Variants in PPTC7 observed in about 807,000 individuals in gnomAD.
The protein encoded by PPTC7 is protein phosphatase targeting COQ7.
Under a neutral mutation model 30.8 loss-of-function variants are expected in PPTC7, and 6 were observed. That is an observed-to-expected ratio of 0.19 (90% CI 0.11 to 0.38). PPTC7 has a LOEUF of 0.38. Among genes scored for constraint, PPTC7 ranks in the 10% least tolerant of loss-of-function variants. The pLI is 1.00. For missense variants in PPTC7, 218 were observed against 404.8 expected (o/e 0.54, Z 3.96); for synonymous variants, 163 against 168.1 (o/e 0.97, Z 0.23).
chr12:110,537,124 T>C, intron 5 of PPTC7, 29 bp from the exon 6 acceptor site: 1 of 1,550,488 alleles, frequency 6.4e-7, no homozygotes, highest in Non-Finnish European at 8.9e-7. Context: ...CCTATCAGTA[T>C]ATTTTAAAAG....
chr12:110,550,990 T>C (rs1289864040), intron 2 of PPTC7, among the ~76,000 whole-genome samples: 12 of 152,240 alleles, frequency 7.9e-5, no homozygotes, highest in Non-Finnish European at 8.8e-5. Flanking sequence ...ACTTGAAATA[T>C]ATGGAATCAG....
rs2064189810 is a variant in PPTC7, at chr12:110,533,612, A to T, written c.*3425T>A. On this transcript the variant is annotated 3_prime_UTR_variant, in exon 6 of 6. Transcript: ENST00000354300. ...GATTTTGGTTTTTTGATACTGTAAAATTTTTAAAATGCAAAAATGTGATAC... is the reference window on the plus strand; with the variant it reads ...GATTTTGGTTTTTTGATACTGTAAATTTTTTAAAATGCAAAAATGTGATAC... The T allele has an allele frequency of 6.6e-6, 1 of 152,062 alleles. No homozygotes were observed. Among genetic ancestry groups the T allele is most frequent in the Non-Finnish European group, 1.5e-5 (1 of 68,042 alleles). The allele number at this position is 152,062 out of a possible 1,614,324, so 9.4% of individuals were successfully genotyped here.
chr12:110,547,049 C>T (rs748128247), intron 2 of PPTC7, among the ~76,000 whole-genome samples: 2 of 152,046 alleles, frequency 1.3e-5, no homozygotes, highest in Non-Finnish European at 2.9e-5. Context: ...CAAGATAGCC[C>T]GGAAAAATGT....
chr12:110,536,676 A>G lies in PPTC7; in HGVS notation c.*361T>C, dbSNP rs568078755. 5.8e-3 allele frequency: 1,307 copies of G among 225,818 alleles called. 6 individuals are homozygous for G. The highest frequency in any genetic ancestry group is 8.7e-3 in the Non-Finnish European group (1,006 of 116,016). 14.0% of individuals were successfully genotyped at this position (225,818 alleles called of 1,614,324 possible). A position where few individuals can be genotyped will look rare whatever the true frequency, so the allele number is the denominator to read the frequency against. On this transcript the variant is annotated 3_prime_UTR_variant, in exon 6 of 6. Coordinates refer to ENST00000354300, the MANE Select transcript of PPTC7 (RefSeq NM_139283.2). Reference sequence around the variant, plus strand: ...GTTAGACTTGTACCATCCCTTTAGCATACTAGGATTTTGAATTCACTTTAC... The same window carrying G: ...GTTAGACTTGTACCATCCCTTTAGCGTACTAGGATTTTGAATTCACTTTAC...
At chr12:110,578,469 TAGTC>T (rs1340290786) in intron 1 of PPTC7, among the ~76,000 whole-genome samples, 2 of 152,152 alleles carry the variant, frequency 1.3e-5, no homozygotes, top group Admixed American at 1.3e-4. Flanking sequence ...ACACCCAACA[TAGTC>T]AGTTTTTCCG....
chr12:110,573,845 G>T (rs1019397231), intron 1 of PPTC7, among the ~76,000 whole-genome samples: 2 of 152,028 alleles, frequency 1.3e-5, no homozygotes, highest in African/African-American at 4.8e-5. Context: ...GTCGGGTGTG[G>T]TGGCACATGC....
At chr12:110,569,318 G>A (rs1244015578) in intron 1 of PPTC7, among the ~76,000 whole-genome samples, 2 of 152,076 alleles carry the variant, frequency 1.3e-5, no homozygotes, top group Non-Finnish European at 2.9e-5. Flanking sequence ...GGGCGACAGA[G>A]TGAGACTCTG....
Position 110,541,064 on chromosome 12 carries a change from T to C in PPTC7, c.603-1119A>G, listed in dbSNP as rs933030245. Among the ~76,000 whole-genome samples the C allele has an allele frequency of 4.7e-5, 7 of 149,748 alleles. No homozygotes were observed. The East Asian group carries it at 6.4e-4, about 14-fold the overall frequency. On this transcript the variant is annotated intron_variant, in intron 3 of 5. Coordinates refer to ENST00000354300, the MANE Select transcript of PPTC7 (RefSeq NM_139283.2). ...TGCTGGGATAACAGGCGTGAGCCAC[T>C]GCGCCCAGCCGCCAATCTTATAAGA... is the stretch of plus-strand genomic sequence containing the variant.
At chr12:110,564,290 G>A (rs1405293502) in intron 1 of PPTC7, among the ~76,000 whole-genome samples, 2 of 152,232 alleles carry the variant, frequency 1.3e-5, no homozygotes, top group Non-Finnish European at 1.5e-5. Flanking sequence ...TGTTACAGAA[G>A]TAAGGGCCTC....
chr12:110,542,642 G>A lies in PPTC7; in HGVS notation c.603-2697C>T, dbSNP rs555105301. Among the ~76,000 whole-genome samples, 4 of 131,522 alleles carry A rather than the reference G, an allele frequency of 3.0e-5. No homozygotes were observed. In the Admixed American group the frequency reaches 3.7e-4, roughly 12 times the overall value. 86.3% of individuals were successfully genotyped at this position (131,522 alleles called of 152,430 possible). ...GCCGAGATTGCGCCACTGCACTCCA[G>A]CAGCCTGGGCAGCAGAGCGAGACTC... On this transcript the variant is annotated intron_variant, in intron 3 of 5. Transcript: ENST00000354300.
chr12:110,580,416 G>A (rs943845302), intron 1 of PPTC7, among the ~76,000 whole-genome samples: 9 of 151,888 alleles, frequency 5.9e-5, no homozygotes, highest in South Asian at 2.1e-4. Context: ...TCGGCTCACC[G>A]CAACCTCCAT....
At chr12:110,558,323 T>C (rs764901356) in intron 1 of PPTC7, among the ~76,000 whole-genome samples, 3 of 152,182 alleles carry the variant, frequency 2.0e-5, no homozygotes, top group Non-Finnish European at 4.4e-5. Context: ...CAGAATGATA[T>C]AATCTCTATG....
intron 1 of PPTC7, among the ~76,000 whole-genome samples, chr12:110,574,888 C>T (rs1299960626): frequency 6.6e-6 from 1 of 151,568 alleles, no homozygotes; most frequent in East Asian, 1.9e-4. Flanking sequence ...AAGCGATTCT[C>T]ATGTCTCAGC....
chr12:110,538,380 TAA>T, intron 4 of PPTC7, 107 bp from the exon 5 acceptor site: 2 of 1,041,370 alleles, frequency 1.9e-6, no homozygotes, highest in Admixed American at 2.1e-5. Context: ...GAAAAGACAT[TAA>T]AACATCATGC....
chr12:110,539,760 C>A, intron 4 of PPTC7, 62 bp downstream of exon 4: 1 of 1,508,706 alleles, frequency 6.6e-7, no homozygotes. Flanking sequence ...CAACTGAATC[C>A]ATAAAACTCA....
chr12:110,578,190 A>G (rs1347129697), intron 1 of PPTC7, among the ~76,000 whole-genome samples: 3 of 152,184 alleles, frequency 2.0e-5, no homozygotes, highest in Admixed American at 2.0e-4. Context: ...AAGTGTTACA[A>G]TTCTCAACAG....
At chr12:110,577,718 T>TAAC (rs1555216154) in intron 1 of PPTC7, among the ~76,000 whole-genome samples, 1 of 151,662 alleles carries the variant, frequency 6.6e-6, no homozygotes. Flanking sequence ...GGTTTCAAGT[T>TAAC]TAAGCTTAAA....
intron 1 of PPTC7, among the ~76,000 whole-genome samples, chr12:110,567,346 T>C (rs995455380): frequency 4.6e-5 from 7 of 152,224 alleles, no homozygotes; most frequent in African/African-American, 1.7e-4. Context: ...TCCAGCTGGA[T>C]GGAAGCATTC....
At chr12:110,556,905 T>C (rs2064392912) in intron 1 of PPTC7, among the ~76,000 whole-genome samples, 1 of 151,958 alleles carries the variant, frequency 6.6e-6, no homozygotes, top group Admixed American at 6.6e-5. Context: ...TCAAGAACAG[T>C]GCCAGCCTGC....
Sources: gnomAD v4.1 joint callset for allele counts (sites outside exome capture counted in the v4.1 genomes callset) on GRCh38, gnomAD v4.1.1 for gene constraint, MANE v1.5 for transcripts, NCBI Gene and HGNC (gene_info 2026-07-23, HGNC 2026-07-21) for gene names.